Variants in ZNF699 observed in about 807,000 individuals in gnomAD.
ZNF699 encodes zinc finger protein 699.
In ZNF699, 18 loss-of-function variants were observed where a neutral mutation model predicts 22.5. The ratio of observed to expected loss-of-function variants is 0.80; its 90% CI spans 0.55 to 1.19. The LOEUF (loss-of-function observed/expected upper bound fraction) is 1.19, where lower values mean the gene tolerates loss of function less well. ZNF699 is among the 50% of genes most tolerant of loss of function. ZNF699 has a pLI of 0.00. For synonymous variants in ZNF699, 241 were observed against 262.3 expected (o/e 0.92, Z 0.78); for missense variants, 670 against 763.4 (o/e 0.88, Z 1.44).
intron 2 of ZNF699, among the ~76,000 whole-genome samples, chr19:9,304,470 T>C (rs73504753): frequency 0.057 from 8,644 of 152,178 alleles, 550 homozygotes; most frequent in African/African-American, 0.16. Context: ...GGTCATACTT[T>C]CTTGTATTCT....
intron 3 of ZNF699, among the ~76,000 whole-genome samples, chr19:9,299,158 G>A (rs540892019): frequency 6.6e-5 from 10 of 151,926 alleles, no homozygotes; most frequent in East Asian, 1.9e-4. Context: ...TTTTTGAGAC[G>A]GAGTCTCGCT....
chr19:9,300,598 A>T (rs2066303606), intron 3 of ZNF699, among the ~76,000 whole-genome samples: 1 of 152,230 alleles, frequency 6.6e-6, no homozygotes, highest in Non-Finnish European at 1.5e-5. Context: ...ATAGAATATT[A>T]GTCAGAGGTA....
Position 9,297,416 on chromosome 19 carries a change from AT to A in ZNF699, c.349del (p.Ile117TyrfsTer7), listed in dbSNP as rs1366191812. 1.9e-6 allele frequency: 3 copies of A among 1,598,592 alleles called. No individual in the cohort carries two copies. The highest frequency in any genetic ancestry group is 2.5e-6 in the Non-Finnish European group (3 of 1,176,994). ...TCTTACTATTTTCTGTTCATTGGAT[AT>A]TTTTTCTCCACAAATATCTTGTGAA... The part of the protein sequence containing the change: ...VASQDICGEK[I>X]SNEQKIVRFK... On this transcript the variant is annotated frameshift_variant, in exon 5 of 6. Coordinates refer to ENST00000591998, the MANE Select transcript of ZNF699 (RefSeq NM_198535.3). LOFTEE classifies it high-confidence loss of function. The surrounding 1 kb of genome is among the most constrained non-coding windows in gnomAD (Gnocchi z 4.3).
rs1245316037 is a variant in ZNF699 at position 9,293,196 on chromosome 19, A to C, written c.*2279T>G. Among the ~76,000 whole-genome samples the C allele has an allele frequency of 6.6e-6, 1 of 152,104 alleles. No individual in the cohort carries two copies. The highest frequency in any genetic ancestry group is 1.5e-5 in the Non-Finnish European group (1 of 68,010). On this transcript the variant is annotated 3_prime_UTR_variant, in exon 6 of 6. Coordinates refer to ENST00000591998, the MANE Select transcript of ZNF699 (RefSeq NM_198535.3). ...TTTCAACAGGTGCCCTCAAAAAAAA[A>C]AAAAATCCAAATAGCCAATAAGCAC...
At chr19:9,303,278 T>A (rs555996392) in intron 2 of ZNF699, among the ~76,000 whole-genome samples, 45 of 152,156 alleles carry the variant, frequency 3.0e-4, no homozygotes, top group Non-Finnish European at 6.2e-4. Context: ...GAGGTCCCAC[T>A]AAACTGCCTC....
Position 9,296,289 on chromosome 19 carries a change from A to G in ZNF699, c.1115T>C (p.Phe372Ser). The part of the protein sequence containing the change: ...PYECKECGKA[F>S]SESSKLTVHG... The stretch of plus-strand genomic sequence containing the variant: ...TACAGTGAGTTTTGAGGACTCGCTG[A>G]AGGCCTTCCCACACTCTTTACATTC... Residue 372 changes from phenylalanine to serine, a missense_variant, in exon 6 of 6, where the codon TTC (phenylalanine) becomes TCC (serine). Physicochemically the swap from Phe to Ser is radical, Grantham distance 155. Coordinates refer to ENST00000591998, the MANE Select transcript of ZNF699 (RefSeq NM_198535.3). 6.2e-7 allele frequency: 1 copy of G among 1,613,948 alleles called. No homozygotes were observed. Among genetic ancestry groups the G allele is most frequent in the Non-Finnish European group, 8.5e-7 (1 of 1,179,980 alleles).
Position 9,296,740 on chromosome 19 carries a change from G to A in ZNF699, c.664C>T (p.Pro222Ser). Residue 222 changes from proline (P) to serine (S), a missense_variant, in exon 6 of 6, where the codon CCC becomes TCC. Pro to Ser is a moderately conservative substitution (Grantham distance 74). Transcript: ENST00000591998. ...SHIRSHTGSK[P>S]YQCKECGKAF... The stretch of plus-strand genomic sequence containing the variant: ...TTCCCACATTCCTTGCACTGATAGG[G>A]TTTGCTTCCAGTATGAGACCTGATG... The A allele has an allele frequency of 1.2e-6, 2 of 1,614,100 alleles. No homozygotes were observed. Among genetic ancestry groups the A allele is most frequent in the South Asian group, 2.2e-5 (2 of 91,072 alleles).
At chr19:9,300,448 C>T (rs919110683) in intron 3 of ZNF699, among the ~76,000 whole-genome samples, 1 of 152,100 alleles carries the variant, frequency 6.6e-6, no homozygotes, top group Non-Finnish European at 1.5e-5. Context: ...CTCCTTTTAC[C>T]CAAAGGAGTT....
rs2066280453 is a variant in ZNF699, at chr19:9,295,410, C to T, written c.*65G>A. 3 of 1,519,712 alleles carry T rather than the reference C, an allele frequency of 2.0e-6. No homozygotes were observed. The highest frequency in any genetic ancestry group is 2.1e-5 in the Admixed American group (1 of 46,914). 94.1% of individuals were successfully genotyped at this position (1,519,712 alleles called of 1,614,324 possible). A position where few individuals can be genotyped will look rare whatever the true frequency, so the allele number is the denominator to read the frequency against. On this transcript the variant is annotated 3_prime_UTR_variant, in exon 6 of 6. Coordinates refer to ENST00000591998, the MANE Select transcript of ZNF699 (RefSeq NM_198535.3). ...TTCTTACATTCATAGGGTGTCTCCA[C>T]AGTATGAGATCTCACATGTTGCCTA...
Position 9,297,087 on chromosome 19 carries a change from T to G in ZNF699, c.471-154A>C, listed in dbSNP as rs2066289805. Among the ~76,000 whole-genome samples, 1 of 152,198 alleles carries G rather than the reference T, an allele frequency of 6.6e-6. No individual in the cohort carries two copies. Among genetic ancestry groups the G allele is most frequent in the African/African-American group, 2.4e-5 (1 of 41,450 alleles). On this transcript the variant is annotated intron_variant, in intron 5 of 5. Coordinates refer to ENST00000591998, the MANE Select transcript of ZNF699 (RefSeq NM_198535.3). The surrounding 1 kb of genome is among the most constrained non-coding windows in gnomAD (Gnocchi z 4.3). ...GTCACTGAGTTATTGACTCACGGGA[T>G]TTTTCTGATAATTGTTTACAACTGA...
Position 9,295,537 on chromosome 19 carries a change from C to T in ZNF699, c.1867G>A (p.Ala623Thr). ...KPYECKECGKAFVCPAYFRRH... is the reference protein window; with the variant it reads ...KPYECKECGKTFVCPAYFRRH... ...CGAAAGTAGGCAGGACAAACAAAGG[C>T]TTTCCCACATTCCTTACATTCATAG... Residue 623 changes from alanine (A) to threonine (T), a missense_variant, in exon 6 of 6, where the codon GCC becomes ACC. Physicochemically the swap from Ala to Thr is moderately conservative, Grantham distance 58. Transcript: ENST00000591998. The T allele has an allele frequency of 7.4e-6, 12 of 1,614,042 alleles. No individual in the cohort carries two copies. Among genetic ancestry groups the T allele is most frequent in the Non-Finnish European group, 1.0e-5 (12 of 1,179,962 alleles).
intron 3 of ZNF699, among the ~76,000 whole-genome samples, chr19:9,301,650 A>C (rs2066307581): frequency 6.6e-6 from 1 of 152,214 alleles, no homozygotes. Context: ...AGGACATGTA[A>C]GAGGCATGTA....
rs1441475526 is a variant in ZNF699 at position 9,297,179 on chromosome 19, C to A, written c.470+117G>T. ...AAAAATTAACTCATGAAAATTCTTT[C>A]TCAAACCACAATCTTTGATCTAGGC... On this transcript the variant is annotated intron_variant, in intron 5 of 5. Transcript: ENST00000591998. The surrounding 1 kb of genome is among the most constrained non-coding windows in gnomAD (Gnocchi z 4.3). The A allele has an allele frequency of 7.0e-6, 8 of 1,147,356 alleles. No homozygotes were observed. The highest frequency in any genetic ancestry group is 3.2e-5 in the Admixed American group (1 of 31,296). 71.1% of individuals were successfully genotyped at this position (1,147,356 alleles called of 1,614,324 possible).
In ZNF699 at chr19:9,293,577, G is replaced by C. The variant is rs1274732113; in HGVS notation, c.*1898C>G. Among the ~76,000 whole-genome samples the C allele has an allele frequency of 6.6e-6, 1 of 152,078 alleles. No individual in the cohort carries two copies. Among genetic ancestry groups the C allele is most frequent in the Non-Finnish European group, 1.5e-5 (1 of 68,010 alleles). ...ATTTTAACATTTGGATGAAAATCAA[G>C]AACAAGCACACCAAGTCAATTATAG... is the stretch of plus-strand genomic sequence containing the variant. On this transcript the variant is annotated 3_prime_UTR_variant, in exon 6 of 6. Transcript: ENST00000591998.
intron 2 of ZNF699, among the ~76,000 whole-genome samples, chr19:9,303,965 G>A (rs753603339): frequency 1.3e-5 from 2 of 151,792 alleles, no homozygotes; most frequent in Non-Finnish European, 2.9e-5. Context: ...TTACAGGCAC[G>A]TGCTACCATG....
chr19:9,305,033 T>C, intron 2 of ZNF699, 39 bp downstream of exon 2: 4 of 1,558,984 alleles, frequency 2.6e-6, no homozygotes, highest in Non-Finnish European at 3.5e-6. Flanking sequence ...CCTGGTACAA[T>C]GGAAATATTC....
intron 3 of ZNF699, among the ~76,000 whole-genome samples, chr19:9,298,378 G>A (rs892994041): frequency 3.3e-5 from 5 of 151,334 alleles, no homozygotes; most frequent in Admixed American, 6.6e-5. Flanking sequence ...CCCGGGAGGC[G>A]GAGGTTGCAG....
intron 2 of ZNF699, among the ~76,000 whole-genome samples, chr19:9,303,934 C>T (rs543458576): frequency 6.6e-6 from 1 of 151,982 alleles, no homozygotes; most frequent in South Asian, 2.1e-4. Flanking sequence ...TCCCCTGCCT[C>T]AGCCTCCCGA....
intron 3 of ZNF699, among the ~76,000 whole-genome samples, chr19:9,300,922 A>T (rs2066304798): frequency 6.6e-6 from 1 of 152,204 alleles, no homozygotes; most frequent in Non-Finnish European, 1.5e-5. Context: ...CCAAGAGTGA[A>T]CCCTAATGTA....
Sources: gnomAD v4.1 joint callset for allele counts (sites outside exome capture counted in the v4.1 genomes callset) on GRCh38, gnomAD v4.1.1 for gene constraint, Gnocchi (gnomAD v3.1) non-coding constraint, MANE v1.5 for transcripts, NCBI Gene and HGNC (gene_info 2026-07-23, HGNC 2026-07-21) for gene names.